STAG3: variants seen among roughly 807,000 people sequenced by gnomAD.
STAG3 encodes STAG3 cohesin complex component.
STAG3 carries 101 observed loss-of-function variants against 160.7 expected under a neutral mutation model. The observed-to-expected ratio is 0.63, with a 90% CI of 0.54 to 0.74. The LOEUF (loss-of-function observed/expected upper bound fraction) is 0.74, where lower values mean the gene tolerates loss of function less well. STAG3 is among the 30% of genes least tolerant of loss of function. The pLI is 0.00. For missense variants in STAG3, 1,188 were observed against 1,517.4 expected (o/e 0.78, Z 3.61); for synonymous variants, 519 against 585.0 (o/e 0.89, Z 1.63).
At chr7:100,184,462 A>AGGTTTTT (rs147873229) in intron 4 of STAG3, among the ~76,000 whole-genome samples, 1 of 86,594 alleles carries the variant, frequency 1.2e-5, no homozygotes, top group African/African-American at 4.5e-5. Flanking sequence ...ACAGCGTGTT[A>AGGTTTTT]GTTTTTTTTT....
rs148973843 is a variant in STAG3 at position 100,185,246 on chromosome 7, T to C, written c.337-954T>C. ...TTTTGGTAGACCAGCCTGGGCAACA[T>C]GAGTTTCACTTTACTTGGGTTACTG... On this transcript the variant is annotated intron_variant, in intron 4 of 33. Transcript: ENST00000615138. Among the ~76,000 whole-genome samples, 1,248 of 152,278 alleles carry C rather than the reference T, an allele frequency of 8.2e-3. 10 individuals are homozygous for C. Among genetic ancestry groups the C allele is most frequent in the Non-Finnish European group, 0.013 (879 of 68,014 alleles).
intron 4 of STAG3, among the ~76,000 whole-genome samples, chr7:100,184,592 C>T (rs145340750): frequency 0.016 from 2,351 of 151,272 alleles, 61 homozygotes; most frequent in African/African-American, 0.055. Flanking sequence ...CTCAGCCTCC[C>T]GAGTAGCTGG....
chr7:100,208,315 T>A (rs1414441199), intron 29 of STAG3, among the ~76,000 whole-genome samples: 1 of 152,190 alleles, frequency 6.6e-6, no homozygotes, highest in Non-Finnish European at 1.5e-5. Flanking sequence ...ACCTACTATA[T>A]GAAAGATACT....
At chr7:100,178,574 CTT>C (rs572856194) in intron 1 of STAG3, among the ~76,000 whole-genome samples, 3 of 134,960 alleles carry the variant, frequency 2.2e-5, no homozygotes, top group Non-Finnish European at 1.6e-5. Context: ...CCTTGCTTGG[CTT>C]TTTTTTTTTT....
chr7:100,215,669 G>A (rs942571639), downstream of STAG3, among the ~76,000 whole-genome samples: 10 of 152,088 alleles, frequency 6.6e-5, no homozygotes, highest in African/African-American at 2.4e-4. Flanking sequence ...CATCAATATG[G>A]ACACCTGTGT....
chr7:100,191,560 A>C (rs964540149), intron 8 of STAG3, among the ~76,000 whole-genome samples: 1 of 152,242 alleles, frequency 6.6e-6, no homozygotes, highest in African/African-American at 2.4e-5. Flanking sequence ...TCTAAAAAGC[A>C]GTGTATGTAC....
intron 32 of STAG3, chr7:100,213,214 A>G: frequency 4.1e-6 from 3 of 737,164 alleles, no homozygotes; most frequent in Non-Finnish European, 5.0e-6. Context: ...CACCCCTATG[A>G]CCCAATCACC....
Position 100,202,500 on chromosome 7 carries a change from G to A in STAG3, c.2610G>A (p.Arg870=), listed in dbSNP as rs1801233819. ...TACAGATAGAGCGGCTACACCAGCGGCGCCGCCTCCTAGCCGGGTTCTGCA... is the reference window on the plus strand; with the variant it reads ...TACAGATAGAGCGGCTACACCAGCGACGCCGCCTCCTAGCCGGGTTCTGCA... The part of the protein sequence containing the change: ...DHLQIERLHQ[R]RRLLAGFCKL... The change falls in exon 25 of 34, where the codon CGG becomes CGA. Residue 870 remains arginine, a synonymous_variant. Transcript: ENST00000615138. The A allele has an allele frequency of 3.1e-6, 5 of 1,614,186 alleles. No individual in the cohort carries two copies. The highest frequency in any genetic ancestry group is 1.7e-6 in the Non-Finnish European group (2 of 1,180,022).
downstream of STAG3, among the ~76,000 whole-genome samples, chr7:100,215,876 T>C (rs1465222605): frequency 2.0e-5 from 3 of 152,154 alleles, no homozygotes; most frequent in African/African-American, 7.2e-5. Context: ...GGCCCAGATT[T>C]TAAGGAAACT....
At chr7:100,187,098 C>T (rs1050982263) in intron 5 of STAG3, among the ~76,000 whole-genome samples, 2 of 151,810 alleles carry the variant, frequency 1.3e-5, no homozygotes, top group Admixed American at 6.6e-5. Flanking sequence ...GTGGCATGAT[C>T]TCGGCTCACT....
At position 100,182,203 on chromosome 7, in the gene STAG3, C is replaced by T. The variant is rs1246268213; in HGVS notation, c.219+11C>T. 1.9e-6 allele frequency: 3 copies of T among 1,601,564 alleles called. No individual in the cohort carries two copies. Among genetic ancestry groups the T allele is most frequent in the Middle Eastern group, 2.2e-4 (1 of 4,520 alleles). ...CCGAAAACAACACCGGTGAGTCAGC[C>T]AGTTTTCTTTTGTTTTTGAATCTTG... is the stretch of plus-strand genomic sequence containing the variant. On this transcript the variant is annotated intron_variant, in intron 3 of 33. Coordinates refer to ENST00000615138, the MANE Select transcript of STAG3 (RefSeq NM_001282717.2).
chr7:100,203,727 G>T (rs952304843), intron 25 of STAG3, among the ~76,000 whole-genome samples: 1 of 151,936 alleles, frequency 6.6e-6, no homozygotes, highest in African/African-American at 2.4e-5. Flanking sequence ...TATTAGCCAG[G>T]ATGGTCTCGA....
intron 19 of STAG3, 46 bp from the exon 20 acceptor site, chr7:100,201,044 A>C: frequency 6.2e-7 from 1 of 1,614,030 alleles, no homozygotes; most frequent in Non-Finnish European, 8.5e-7. Context: ...ATGTGGACTG[A>C]TGAGTTCTGG....
chr7:100,201,299 C>T lies in STAG3; in HGVS notation c.2168C>T (p.Pro723Leu). Residue 723 changes from proline to leucine, a missense_variant, in exon 21 of 34, where the codon CCA becomes CTA. Coordinates refer to ENST00000615138, the MANE Select transcript of STAG3 (RefSeq NM_001282717.2). ...CTGACTCGCTGGGAGCTCTATGAGC[C>T]ATGTTGCCAACTCCTGCAGAAGGCT... is the stretch of plus-strand genomic sequence containing the variant. ...HDLTRWELYEPCCQLLQKAVD... is the reference protein window; with the variant it reads ...HDLTRWELYELCCQLLQKAVD... 6.2e-7 allele frequency: 1 copy of T among 1,614,126 alleles called. No individual in the cohort carries two copies. The highest frequency in any genetic ancestry group is 8.5e-7 in the Non-Finnish European group (1 of 1,180,018).
In STAG3 at chr7:100,207,469, A is replaced by C. The variant is rs2117447118; in HGVS notation, c.3238+2085A>C. Reference sequence around the variant, plus strand: ...TTTAAATTTGCATTTCCCTAATGACAAATGGTATTGAGCATCTTTTCATGT... The same window carrying C: ...TTTAAATTTGCATTTCCCTAATGACCAATGGTATTGAGCATCTTTTCATGT... On this transcript the variant is annotated intron_variant, in intron 29 of 33. Coordinates refer to ENST00000615138, the MANE Select transcript of STAG3 (RefSeq NM_001282717.2). The surrounding 1 kb of genome is among the most constrained non-coding windows in gnomAD (Gnocchi z 4.0). 6.6e-6 allele frequency among the ~76,000 whole-genome samples: 1 copy of C among 152,326 alleles called. No homozygotes were observed. Among genetic ancestry groups the C allele is most frequent in the South Asian group, 2.1e-4 (1 of 4,830 alleles).
rs571955367 is a variant in STAG3 at position 100,202,722 on chromosome 7, G to A, written c.2700+132G>A. 8 of 1,172,128 alleles carry A rather than the reference G, an allele frequency of 6.8e-6. No homozygotes were observed. The South Asian group carries it at 9.0e-5, about 13-fold the overall frequency. The allele number at this position is 1,172,128 out of a possible 1,614,324, so 72.6% of individuals were successfully genotyped here. A position where few individuals can be genotyped will look rare whatever the true frequency, so the allele number is the denominator to read the frequency against. ...CTTAAAGGAGAAGTAGGAGGGAAAG[G>A]CACTGGGAGTTCAGAATAAGGGGAC... On this transcript the variant is annotated intron_variant, in intron 25 of 33. Transcript: ENST00000615138.
rs543033279 is a variant in STAG3, at chr7:100,200,388, G to A, written c.1770+60G>A. The A allele has an allele frequency of 9.0e-5, 145 of 1,612,690 alleles. 1 individual carries two copies. The African/African-American group carries it at 1.6e-3, about 18-fold the overall frequency. On this transcript the variant is annotated intron_variant, in intron 17 of 33. Coordinates refer to ENST00000615138, the MANE Select transcript of STAG3 (RefSeq NM_001282717.2). ...AGAAGTGAAAGGAAATGGCCTCTGT[G>A]GGGGTGGGAGTAGGAATTAGCAATG...
In STAG3 at chr7:100,200,443, A is replaced by G. The variant is rs1584725084; in HGVS notation, c.1771-10A>G. 1.2e-6 allele frequency: 2 copies of G among 1,614,060 alleles called. No homozygotes were observed. The highest frequency in any genetic ancestry group is 2.2e-5 in the East Asian group (1 of 44,864). The stretch of plus-strand genomic sequence containing the variant: ...AGCTTGTAAGGAGGCCTCCCTGTCA[A>G]TCATCACAGTTCTCAGCTGATGCAG... On this transcript the variant is annotated splice_polypyrimidine_tract_variant and intron_variant, in intron 17 of 33. Coordinates refer to ENST00000615138, the MANE Select transcript of STAG3 (RefSeq NM_001282717.2).
chr7:100,202,770 A>C (rs187703286), intron 25 of STAG3, among the ~76,000 whole-genome samples, 180 bp downstream of exon 25: 4 of 152,342 alleles, frequency 2.6e-5, no homozygotes, highest in African/African-American at 9.6e-5. Context: ...CTTAATAGTA[A>C]ATAATTATGG....
Sources: gnomAD v4.1 joint callset for allele counts (sites outside exome capture counted in the v4.1 genomes callset) on GRCh38, gnomAD v4.1.1 for gene constraint, Gnocchi (gnomAD v3.1) non-coding constraint, MANE v1.5 for transcripts, NCBI Gene and HGNC (gene_info 2026-07-23, HGNC 2026-07-21) for gene names.